TENM1: variants seen among roughly 807,000 people sequenced by gnomAD.
The protein encoded by TENM1 is teneurin transmembrane protein 1.
A neutral mutation model predicts 174.8 loss-of-function variants in TENM1; 35 were observed. That is an observed-to-expected ratio of 0.20 (90% CI 0.15 to 0.27). The LOEUF (loss-of-function observed/expected upper bound fraction) is 0.27. Ranked by LOEUF, TENM1 falls within the 10% of genes least tolerant of loss-of-function variation. The probability of loss-of-function intolerance (pLI) is 1.00; values close to 1 mark genes in which losing one functional copy is unlikely to be tolerated. For missense variants in TENM1, 1,633 were observed against 2,130.1 expected (o/e 0.77, Z 4.59); for synonymous variants, 781 against 798.7 (o/e 0.98, Z 0.37).
At chrX:124,416,232 T>G (rs937531209) in intron 25 of TENM1, among the ~76,000 whole-genome samples, 1 of 111,805 alleles carries the variant, frequency 8.9e-6, no homozygotes, top group Non-Finnish European at 1.9e-5. Context: ...AAACCCCATA[T>G]GAATTAACCG....
Position 124,913,181 on chromosome X carries a change from G to A in TENM1, c.218-16940C>T, listed in dbSNP as rs958366258. Among the ~76,000 whole-genome samples the A allele has an allele frequency of 1.4e-4, 16 of 110,496 alleles. No individual in the cohort carries two copies. In the East Asian group the frequency reaches 2.0e-3, roughly 14 times the overall value. On this transcript the variant is annotated intron_variant, in intron 1 of 31. Transcript: ENST00000422452. ...TTATATCTACTATACATTTATATAC[G>A]TTCCCATAGTGATTCCATAAATAAA...
At chrX:124,983,932 T>C in the TENM1 span, among the ~76,000 whole-genome samples, 2 of 111,511 alleles carry the variant, frequency 1.8e-5, no homozygotes, top group Non-Finnish European at 3.8e-5. Context: ...GATATGAAGA[T>C]TTGAAGGACA....
intron 2 of TENM1, among the ~76,000 whole-genome samples, chrX:124,894,999 A>T (rs1480216851): frequency 8.9e-6 from 1 of 111,916 alleles, no homozygotes; most frequent in Non-Finnish European, 1.9e-5. Flanking sequence ...ATACTTGGTG[A>T]TATTGTAAAG....
chrX:124,477,706 C>T (rs2046760247), intron 22 of TENM1, among the ~76,000 whole-genome samples: 1 of 99,223 alleles, frequency 1.0e-5, no homozygotes, highest in East Asian at 3.2e-4. Flanking sequence ...GACCCATGAT[C>T]GTGCCACTGC....
chrX:125,168,291 G>A, the TENM1 span, among the ~76,000 whole-genome samples: 1 of 111,783 alleles, frequency 8.9e-6, no homozygotes, highest in African/African-American at 3.2e-5. Flanking sequence ...TAGTAAACTT[G>A]CTGGATAAAT....
At chrX:124,577,193 G>A (rs2858417) in intron 11 of TENM1, among the ~76,000 whole-genome samples, 25,661 of 110,557 alleles carry the variant, frequency 0.23, 2,265 homozygotes, top group South Asian at 0.38. Context: ...CAATCATCAG[G>A]CAACCTTTGC....
the TENM1 span, among the ~76,000 whole-genome samples, chrX:125,089,902 A>T: frequency 5.4e-5 from 6 of 111,086 alleles, no homozygotes; most frequent in East Asian, 1.7e-3. Flanking sequence ...CCAGATAGAA[A>T]ATTTAGGGGT....
chrX:124,771,689 A>G (rs1487790175), intron 3 of TENM1, among the ~76,000 whole-genome samples: 1 of 112,245 alleles, frequency 8.9e-6, no homozygotes, highest in African/African-American at 3.2e-5. Context: ...TGAATGGGGC[A>G]AAGAATTGCT....
chrX:125,189,073 A>G, the TENM1 span, among the ~76,000 whole-genome samples: 3 of 112,400 alleles, frequency 2.7e-5, no homozygotes, highest in African/African-American at 9.7e-5. Flanking sequence ...CCCTATATGT[A>G]GCATTTTGCC....
chrX:124,935,156 C>T (rs1323870828), intron 1 of TENM1, among the ~76,000 whole-genome samples: 2 of 106,640 alleles, frequency 1.9e-5, no homozygotes, highest in Non-Finnish European at 3.8e-5. Flanking sequence ...GTTCACTTCT[C>T]CCTGAGTCCA....
chrX:125,108,649 AT>A, the TENM1 span, among the ~76,000 whole-genome samples: 1 of 109,172 alleles, frequency 9.2e-6, no homozygotes, highest in Non-Finnish European at 1.9e-5. Flanking sequence ...GTGAGCCAAG[AT>A]CGTGCCACTG....
intron 5 of TENM1, among the ~76,000 whole-genome samples, chrX:124,701,158 A>T (rs1319792411): frequency 9.0e-6 from 1 of 111,481 alleles, no homozygotes; most frequent in Non-Finnish European, 1.9e-5. Context: ...TTGGAATACT[A>T]CCTGTATCCC....
At chrX:125,135,177 C>T in the TENM1 span, among the ~76,000 whole-genome samples, 1 of 111,686 alleles carries the variant, frequency 9.0e-6, no homozygotes, top group Non-Finnish European at 1.9e-5. Context: ...TTTTTTATCA[C>T]TAAAAGTTGC....
At chrX:124,648,753 G>A (rs2051224605) in intron 8 of TENM1, among the ~76,000 whole-genome samples, 1 of 111,971 alleles carries the variant, frequency 8.9e-6, no homozygotes, top group Non-Finnish European at 1.9e-5. Flanking sequence ...CATAGAGGAA[G>A]CTTTCAAAAA....
intron 5 of TENM1, among the ~76,000 whole-genome samples, chrX:124,696,321 G>C (rs753289017): frequency 9.0e-4 from 100 of 111,657 alleles, no homozygotes; most frequent in African/African-American, 3.0e-3. Flanking sequence ...ACTACAATCA[G>C]ACATTTAAAA....
chrX:124,486,785 A>G, intron 21 of TENM1, among the ~76,000 whole-genome samples: 1 of 112,023 alleles, frequency 8.9e-6, no homozygotes, highest in Non-Finnish European at 1.9e-5. Context: ...GAAGGTCATC[A>G]TGGTCACTGT....
intron 5 of TENM1, among the ~76,000 whole-genome samples, chrX:124,675,010 A>G (rs1273981128): frequency 1.8e-5 from 2 of 111,449 alleles, no homozygotes; most frequent in Non-Finnish European, 3.8e-5. Context: ...GATTCACTTC[A>G]AAATATATAA....
chrX:124,474,614 C>T (rs142185656), intron 22 of TENM1, among the ~76,000 whole-genome samples: 21 of 112,147 alleles, frequency 1.9e-4, no homozygotes, highest in East Asian at 1.4e-3. Context: ...AGGCAATGAG[C>T]CAAGGCTAGA....
intron 18 of TENM1, among the ~76,000 whole-genome samples, chrX:124,507,372 C>T (rs912289865): frequency 2.7e-5 from 3 of 111,510 alleles, no homozygotes; most frequent in African/African-American, 9.8e-5. Flanking sequence ...TGTATTCTCT[C>T]CTTCACCTCC....
Sources: allele counts gnomAD v4.1 joint callset (sites outside exome capture counted in the v4.1 genomes callset), GRCh38; gene constraint gnomAD v4.1.1; transcripts MANE v1.5; gene names NCBI Gene and HGNC (gene_info 2026-07-23, HGNC 2026-07-21).